The following RARB variants were observed in gnomAD, a reference collection of about 807,000 sequenced individuals.
RARB encodes retinoic acid receptor beta.
In RARB, 17 loss-of-function variants were observed where a neutral mutation model predicts 51.9. That is an observed-to-expected ratio of 0.33 (90% CI 0.22 to 0.49). The LOEUF is 0.49. RARB is among the 20% of genes least tolerant of loss of function. The probability of loss-of-function intolerance (pLI) is 0.99; values close to 1 mark genes in which losing one functional copy is unlikely to be tolerated. For missense variants in RARB, 369 were observed against 550.8 expected (o/e 0.67, Z 3.30); for synonymous variants, 215 against 195.4 (o/e 1.10, Z -0.84).
Position 25,113,613 on chromosome 3 carries a change from A to G in RARB, c.-327-18548A>G, listed in dbSNP as rs147746984. Among the ~76,000 whole-genome samples, 652 of 152,238 alleles carry G rather than the reference A, an allele frequency of 4.3e-3. 3 individuals are homozygous for G. Among genetic ancestry groups the G allele is most frequent in the African/African-American group, 0.015 (603 of 41,530 alleles). On this transcript the variant is annotated intron_variant, in intron 3 of 11. Coordinates refer to the RARB transcript ENST00000383772. ...AATGCATTGGCTTCATCAAATCCTG[A>G]TAATCACCACTGAGTGCTAGCTTCA... is the stretch of plus-strand genomic sequence containing the variant.
At chr3:25,185,723 A>G (rs1700959138) in intron 5 of RARB, among the ~76,000 whole-genome samples, 1 of 152,144 alleles carries the variant, frequency 6.6e-6, no homozygotes, top group African/African-American at 2.4e-5. Context: ...TCATAGCCAC[A>G]TTGACTTCTG....
At chr3:25,497,326 A>G (rs966100244) in intron 2 of RARB, among the ~76,000 whole-genome samples, 6 of 152,218 alleles carry the variant, frequency 3.9e-5, no homozygotes, top group Non-Finnish European at 8.8e-5. Context: ...AAAAGCCCTC[A>G]TGATGGTGTC....
intron 5 of RARB, among the ~76,000 whole-genome samples, chr3:25,237,138 A>C (rs1702320158): frequency 6.6e-6 from 1 of 152,052 alleles, no homozygotes; most frequent in Admixed American, 6.6e-5. Flanking sequence ...AATAGTTAAA[A>C]GCTTTCTTGC....
rs1358669421 is a variant in RARB at position 25,294,774 on chromosome 3, C to A, written c.178+120199C>A. ...TGTATTCGTGGCCTCCCAGTCTTTT[C>A]TCCTACTGTTTCTGTAAAAGAAGAG... On this transcript the variant is annotated intron_variant, in intron 5 of 11. Coordinates refer to the RARB transcript ENST00000383772. Among the ~76,000 whole-genome samples the A allele has an allele frequency of 4.7e-5, 7 of 149,326 alleles. 1 individual carries two copies. Among genetic ancestry groups the A allele is most frequent in the African/African-American group, 1.8e-4 (7 of 39,996 alleles).
At chr3:25,224,048 C>T (rs1167401184) in intron 5 of RARB, among the ~76,000 whole-genome samples, 1 of 152,096 alleles carries the variant, frequency 6.6e-6, no homozygotes, top group Non-Finnish European at 1.5e-5. Context: ...AACACAACAC[C>T]ATAGAATGTT....
chr3:25,002,775 T>C (rs1697193385), intron 2 of RARB, among the ~76,000 whole-genome samples: 1 of 152,078 alleles, frequency 6.6e-6, no homozygotes, highest in Non-Finnish European at 1.5e-5. Context: ...TATATATATA[T>C]GAATTTGGAC....
chr3:24,919,278 T>C (rs1448515696), intron 2 of RARB, among the ~76,000 whole-genome samples: 1 of 152,232 alleles, frequency 6.6e-6, no homozygotes, highest in Non-Finnish European at 1.5e-5. Context: ...GATTTGGTAT[T>C]GAGTTGTGTT....
In RARB at chr3:25,081,604, TATATATATATA is replaced by T. The variant is rs1559459471; in HGVS notation, c.-328+21429_-328+21439del. On this transcript the variant is annotated intron_variant, in intron 3 of 11. Transcript: ENST00000383772. ...TCATATACATATATATATATATATA[TATATATATATA>T]TATATATTTTTTTTTTTTTTTTTTT... 1.1e-3 allele frequency among the ~76,000 whole-genome samples: 16 copies of T among 14,818 alleles called. No homozygotes were observed. The East Asian group carries it at 0.011, about 10-fold the overall frequency. The allele number at this position is 14,818 out of a possible 152,430, so 9.7% of individuals were successfully genotyped here.
At chr3:25,430,345 C>G (rs912480280) in intron 1 of RARB, among the ~76,000 whole-genome samples, 1 of 152,198 alleles carries the variant, frequency 6.6e-6, no homozygotes, top group African/African-American at 2.4e-5. Flanking sequence ...CAGACCTGTC[C>G]TCTTTGTAGC....
At chr3:25,570,675 GT>G (rs921674691) in intron 4 of RARB, among the ~76,000 whole-genome samples, 9 of 152,132 alleles carry the variant, frequency 5.9e-5, no homozygotes, top group Admixed American at 5.2e-4. Flanking sequence ...TTTCCAAGTG[GT>G]TTTTGCATGT....
At chr3:25,365,215 T>C (rs1706078593) in intron 5 of RARB, among the ~76,000 whole-genome samples, 1 of 140,462 alleles carries the variant, frequency 7.1e-6, no homozygotes, top group Admixed American at 7.1e-5. Context: ...TTTTTTTTTT[T>C]TTTTTTTTTT....
intron 5 of RARB, among the ~76,000 whole-genome samples, chr3:25,385,293 G>T (rs1449220564): frequency 3.9e-5 from 6 of 152,136 alleles, no homozygotes; most frequent in Non-Finnish European, 7.3e-5. Flanking sequence ...TCCCTGGTAT[G>T]TCTTTATCAG....
At chr3:25,018,654 A>C (rs186824607) in intron 2 of RARB, among the ~76,000 whole-genome samples, 1 of 152,320 alleles carries the variant, frequency 6.6e-6, no homozygotes, top group East Asian at 1.9e-4. Context: ...AATAATATTC[A>C]TGTAGTTAGA....
intron 2 of RARB, among the ~76,000 whole-genome samples, chr3:24,976,204 A>C (rs1485520662): frequency 6.6e-6 from 1 of 152,108 alleles, no homozygotes. Context: ...AGTCTTTGCT[A>C]TTGTGAATAG....
intron 3 of RARB, among the ~76,000 whole-genome samples, chr3:25,516,846 C>G (rs1476447798): frequency 1.3e-5 from 2 of 152,246 alleles, no homozygotes; most frequent in Non-Finnish European, 2.9e-5. Context: ...AGGCTGATCT[C>G]AAACACCTGG....
chr3:25,160,132 A>G (rs970662516), intron 4 of RARB, among the ~76,000 whole-genome samples: 59 of 152,196 alleles, frequency 3.9e-4, no homozygotes, highest in African/African-American at 1.4e-3. Context: ...TGTCTCCATC[A>G]TATCTATTTG....
intron 3 of RARB, 50 bp downstream of exon 3, chr3:25,501,373 T>G (rs1337954099): frequency 1.3e-6 from 2 of 1,593,266 alleles, no homozygotes; most frequent in South Asian, 1.1e-5. Flanking sequence ...ATCTCTGTGA[T>G]TTGCTCACCT....
intron 5 of RARB, among the ~76,000 whole-genome samples, chr3:25,278,951 C>T (rs1559341934): frequency 6.6e-6 from 1 of 152,150 alleles, no homozygotes; most frequent in Non-Finnish European, 1.5e-5. Flanking sequence ...ACAGCACCAA[C>T]ATATTTAGCA....
intron 2 of RARB, among the ~76,000 whole-genome samples, chr3:24,934,879 C>G (rs1237123316): frequency 6.6e-6 from 1 of 151,976 alleles, no homozygotes; most frequent in Non-Finnish European, 1.5e-5. Flanking sequence ...CAGCAAAAAG[C>G]AAATTGGTAC....
Sources: gnomAD v4.1 joint callset for allele counts (sites outside exome capture counted in the v4.1 genomes callset) on GRCh38, gnomAD v4.1.1 for gene constraint, MANE v1.5 for transcripts, NCBI Gene and HGNC (gene_info 2026-07-23, HGNC 2026-07-21) for gene names.